The following ADGRL4 variants were observed in gnomAD, a reference collection of about 807,000 sequenced individuals.
The protein encoded by ADGRL4 is EGF, latrophilin and seven transmembrane domain containing 1.
Under a neutral mutation model 74.8 loss-of-function variants are expected in ADGRL4, and 90 were observed. The observed-to-expected ratio is 1.20, with a 90% confidence interval of 1.02 to 1.43. The LOEUF is 1.43. Among genes scored for constraint, ADGRL4 ranks in the 40% most tolerant of loss-of-function variants. The pLI, the probability that ADGRL4 is intolerant of heterozygous loss-of-function variation, is 0.00. For missense variants in ADGRL4, 881 were observed against 814.3 expected (o/e 1.08, Z -1.00); for synonymous variants, 311 against 279.2 (o/e 1.11, Z -1.14).
At chr1:78,970,608 TC>T (rs1337027273) in intron 2 of ADGRL4, among the ~76,000 whole-genome samples, 1 of 152,142 alleles carries the variant, frequency 6.6e-6, no homozygotes, top group Non-Finnish European at 1.5e-5. Flanking sequence ...ACCCCAGGTA[TC>T]TGCTAGGAAG....
At chr1:79,005,382 G>A (rs948426807) in intron 1 of ADGRL4, among the ~76,000 whole-genome samples, 163 bp from the exon 2 acceptor site, 2 of 152,070 alleles carry the variant, frequency 1.3e-5, no homozygotes, top group Non-Finnish European at 2.9e-5. Flanking sequence ...CAGCACAAAA[G>A]CAAGTAAGTA....
intron 2 of ADGRL4, among the ~76,000 whole-genome samples, chr1:78,968,973 C>A (rs1329123398): frequency 6.6e-6 from 1 of 152,108 alleles, no homozygotes; most frequent in African/African-American, 2.4e-5. Context: ...GAATATCAAG[C>A]AAATCAAGAA....
chr1:78,994,236 G>A (rs1234993602), intron 2 of ADGRL4, among the ~76,000 whole-genome samples: 6 of 152,106 alleles, frequency 3.9e-5, no homozygotes, highest in African/African-American at 1.4e-4. Flanking sequence ...TTTTTCATTT[G>A]GCTATGATGG....
intron 8 of ADGRL4, among the ~76,000 whole-genome samples, chr1:78,922,352 A>C (rs1310317492): frequency 6.6e-6 from 1 of 151,986 alleles, no homozygotes; most frequent in Non-Finnish European, 1.5e-5. Context: ...TTGGAAATGC[A>C]AATGGACAAG....
At chr1:78,933,607 G>C (rs547864161) in intron 7 of ADGRL4, among the ~76,000 whole-genome samples, 1 of 151,466 alleles carries the variant, frequency 6.6e-6, no homozygotes, top group South Asian at 2.1e-4. Context: ...AAGAAATAGA[G>C]GGTATTCAAA....
At position 78,927,080 on chromosome 1, in the gene ADGRL4, C is replaced by G; in HGVS notation, c.889G>C (p.Val297Leu). 6.3e-7 allele frequency: 1 copy of G among 1,583,868 alleles called. No homozygotes were observed. The highest frequency in any genetic ancestry group is 8.7e-7 in the Non-Finnish European group (1 of 1,155,568). Residue 297 changes from valine to leucine, a missense_variant, in exon 8 of 15, where the codon GTT becomes CTT. Coordinates refer to ENST00000370742, the MANE Select transcript of ADGRL4 (RefSeq NM_022159.4). ...ATACTCTTATAATATACAAATGCAACTGCAACATTGCCTATCAATCAAATA... is the reference window on the plus strand; with the variant it reads ...ATACTCTTATAATATACAAATGCAAGTGCAACATTGCCTATCAATCAAATA... ...AAYDSNGNVA[V>L]AFVYYKSIGP...
At chr1:78,992,682 G>T (rs1036508552) in intron 2 of ADGRL4, among the ~76,000 whole-genome samples, 1 of 152,040 alleles carries the variant, frequency 6.6e-6, no homozygotes, top group South Asian at 2.1e-4. Flanking sequence ...AAGGATAAAA[G>T]AATATTTCAA....
intron 2 of ADGRL4, among the ~76,000 whole-genome samples, chr1:78,980,856 T>C (rs80326373): frequency 0.016 from 2,365 of 152,020 alleles, 64 homozygotes; most frequent in African/African-American, 0.054. Context: ...ACACCTTTCA[T>C]CCTGAAAATC....
intron 2 of ADGRL4, among the ~76,000 whole-genome samples, chr1:78,987,260 G>T (rs1215718973): frequency 1.3e-5 from 2 of 151,714 alleles, no homozygotes; most frequent in Non-Finnish European, 3.0e-5. Flanking sequence ...TAGCAGTTTT[G>T]TCCAATTCCA....
At chr1:78,947,435 T>G (rs1649626285) in intron 2 of ADGRL4, among the ~76,000 whole-genome samples, 1 of 152,202 alleles carries the variant, frequency 6.6e-6, no homozygotes, top group African/African-American at 2.4e-5. Flanking sequence ...CAAGGATAGC[T>G]GGCAACCACA....
chr1:78,956,316 C>T (rs1649828731), intron 2 of ADGRL4, among the ~76,000 whole-genome samples: 3 of 152,074 alleles, frequency 2.0e-5, no homozygotes, highest in Admixed American at 6.6e-5. Flanking sequence ...AGATAATATC[C>T]CTTCTGGAAG....
At chr1:78,932,694 G>T (rs1649268974) in intron 7 of ADGRL4, among the ~76,000 whole-genome samples, 1 of 146,666 alleles carries the variant, frequency 6.8e-6, no homozygotes, top group Non-Finnish European at 1.5e-5. Flanking sequence ...TAATAAAGAA[G>T]AAAAGAGAGA....
intron 13 of ADGRL4, among the ~76,000 whole-genome samples, chr1:78,892,832 A>G (rs1225963189): frequency 6.6e-6 from 1 of 152,030 alleles, no homozygotes; most frequent in South Asian, 2.1e-4. Flanking sequence ...GAAAATCACT[A>G]AGGCCTTCCT....
intron 2 of ADGRL4, among the ~76,000 whole-genome samples, chr1:78,970,809 C>T (rs1650153214): frequency 6.6e-6 from 1 of 152,170 alleles, no homozygotes; most frequent in Admixed American, 6.5e-5. Flanking sequence ...GGGACACTCC[C>T]CTCAGATGCA....
In ADGRL4 at chr1:78,893,136, T is replaced by C; in HGVS notation, c.1803A>G (p.Ala601=). ...AGCAACTAACTTCTGGTTTCAACCC[T>C]GCAGTGTGACGAAAAACTTTGTATA... is the stretch of plus-strand genomic sequence containing the variant. The part of the protein sequence containing the change: ...VIIYKVFRHT[A]GLKPEVSCFE... The change falls in exon 13 of 15, where the codon GCA becomes GCG. Residue 601 remains alanine, a synonymous_variant. Coordinates refer to ENST00000370742, the MANE Select transcript of ADGRL4 (RefSeq NM_022159.4). 6.2e-7 allele frequency: 1 copy of C among 1,603,806 alleles called. No homozygotes were observed. The highest frequency in any genetic ancestry group is 8.5e-7 in the Non-Finnish European group (1 of 1,176,080).
intron 2 of ADGRL4, among the ~76,000 whole-genome samples, chr1:78,965,516 T>C (rs1650038146): frequency 1.3e-5 from 2 of 152,126 alleles, no homozygotes. Context: ...ACAAATTTTG[T>C]AGCAAGCAGT....
intron 2 of ADGRL4, among the ~76,000 whole-genome samples, chr1:78,951,282 C>G (rs1007571760): frequency 2.0e-5 from 3 of 152,018 alleles, no homozygotes; most frequent in African/African-American, 7.3e-5. Context: ...CTTCTTCTTA[C>G]CAATCAAGTG....
intron 2 of ADGRL4, among the ~76,000 whole-genome samples, chr1:78,983,457 A>G (rs1413288140): frequency 5.1e-5 from 2 of 39,190 alleles, no homozygotes; most frequent in Admixed American, 5.7e-4. Context: ...CTAGAATTAG[A>G]AAAAAAAAAG....
At chr1:78,964,717 T>C (rs1226933887) in intron 2 of ADGRL4, among the ~76,000 whole-genome samples, 1 of 152,162 alleles carries the variant, frequency 6.6e-6, no homozygotes, top group Non-Finnish European at 1.5e-5. Flanking sequence ...GTCCTTATAC[T>C]CCTTATCTTC....
Sources: gnomAD v4.1 joint callset for allele counts (sites outside exome capture counted in the v4.1 genomes callset) on GRCh38, gnomAD v4.1.1 for gene constraint, MANE v1.5 for transcripts, NCBI Gene and HGNC (gene_info 2026-07-23, HGNC 2026-07-21) for gene names.